Variants in LDB2 observed in about 807,000 individuals in gnomAD.
LDB2 encodes the protein LIM domain binding 2.
In LDB2, 12 loss-of-function variants were observed where a neutral mutation model predicts 44.3. That is an observed-to-expected ratio of 0.27 (90% CI 0.17 to 0.44). The LOEUF is 0.44. Among genes scored for constraint, LDB2 ranks in the 20% least tolerant of loss-of-function variants. The pLI is 1.00. For synonymous variants in LDB2, 164 were observed against 174.8 expected (o/e 0.94, Z 0.49); for missense variants, 344 against 473.5 (o/e 0.73, Z 2.54).
chr4:16,752,433 C>A (rs1361073429), intron 2 of LDB2: 1 of 450,958 alleles, frequency 2.2e-6, no homozygotes, highest in African/African-American at 2.0e-5. Context: ...TCATTTTTTC[C>A]CCAATTGGTC....
chr4:16,680,249 G>T (rs374627064), intron 2 of LDB2, among the ~76,000 whole-genome samples: 1 of 152,190 alleles, frequency 6.6e-6, no homozygotes, highest in African/African-American at 2.4e-5. Flanking sequence ...GGACTTTGAA[G>T]AATATTTTTC....
intron 5 of LDB2, among the ~76,000 whole-genome samples, chr4:16,584,918 C>G (rs2152424042): frequency 6.6e-6 from 1 of 152,326 alleles, no homozygotes; most frequent in East Asian, 1.9e-4. Context: ...GTGACCAAGT[C>G]TAGGATAGAC....
At chr4:16,503,941 G>A (rs1560291800) in intron 7 of LDB2, among the ~76,000 whole-genome samples, 1 of 152,302 alleles carries the variant, frequency 6.6e-6, no homozygotes, top group South Asian at 2.1e-4. Flanking sequence ...GGGACCATAT[G>A]GGGTTGATGA....
intron 5 of LDB2, among the ~76,000 whole-genome samples, chr4:16,547,413 G>A (rs558231910): frequency 6.6e-6 from 1 of 152,252 alleles, no homozygotes; most frequent in South Asian, 2.1e-4. Context: ...GTGGCTGTAG[G>A]AAATGGATAT....
At chr4:16,628,725 T>C (rs1000264786) in intron 2 of LDB2, among the ~76,000 whole-genome samples, 6 of 151,770 alleles carry the variant, frequency 4.0e-5, no homozygotes, top group Non-Finnish European at 7.4e-5. Flanking sequence ...CCAACTGAGG[T>C]ACCTGGTTCA....
rs1176981520 is a variant in LDB2 at position 16,795,321 on chromosome 4, A to G, written c.133-36061T>C. On this transcript the variant is annotated intron_variant, in intron 1 of 7. Transcript: ENST00000304523. ...CCATATTACAGAGACCCAATCATAA[A>G]AGGCCTTGTAAGTCACCAAAAGAAA... Among the ~76,000 whole-genome samples, 21 of 152,264 alleles carry G rather than the reference A, an allele frequency of 1.4e-4. No individual in the cohort carries two copies. The South Asian group carries it at 4.4e-3, about 32-fold the overall frequency.
chr4:16,514,019 G>A (rs1007202646), intron 5 of LDB2, among the ~76,000 whole-genome samples: 1 of 152,184 alleles, frequency 6.6e-6, no homozygotes, highest in Non-Finnish European at 1.5e-5. Flanking sequence ...CCATATCCAG[G>A]AGGAAGGAAT....
chr4:16,884,532 A>G (rs1721082339), intron 1 of LDB2, among the ~76,000 whole-genome samples: 1 of 152,082 alleles, frequency 6.6e-6, no homozygotes, highest in Non-Finnish European at 1.5e-5. Context: ...CTAAAATATA[A>G]TATCACTTTA....
chr4:16,631,959 T>C lies in LDB2; in HGVS notation c.236-36084A>G, dbSNP rs1053190451. On this transcript the variant is annotated intron_variant, in intron 2 of 7. Transcript: ENST00000304523. ...GCAATAATTAATAGCCTATCAACCA[T>C]GCAAAGTCCAAGACCAGACTGATTC... 2.6e-5 allele frequency among the ~76,000 whole-genome samples: 4 copies of C among 152,078 alleles called. No individual in the cohort carries two copies. The East Asian group carries it at 7.7e-4, about 29-fold the overall frequency.
At chr4:16,634,969 G>A (rs1246531232) in intron 2 of LDB2, among the ~76,000 whole-genome samples, 1 of 152,094 alleles carries the variant, frequency 6.6e-6, no homozygotes, top group African/African-American at 2.4e-5. Flanking sequence ...CCATAAAAAA[G>A]GATGAGTTCT....
chr4:16,628,989 GC>G (rs1450577888), intron 2 of LDB2, among the ~76,000 whole-genome samples: 1 of 152,230 alleles, frequency 6.6e-6, no homozygotes, highest in Non-Finnish European at 1.5e-5. Flanking sequence ...TGCCCATGGA[GC>G]TTTGCTTGCT....
intron 1 of LDB2, among the ~76,000 whole-genome samples, chr4:16,774,026 A>C (rs373236498): frequency 1.3e-4 from 19 of 141,306 alleles, no homozygotes; most frequent in African/African-American, 4.7e-4. Context: ...GTGCTGGCGC[A>C]TGCCTATAAT....
At chr4:16,814,813 C>T (rs1780604486) in intron 1 of LDB2, among the ~76,000 whole-genome samples, 1 of 152,154 alleles carries the variant, frequency 6.6e-6, no homozygotes, top group African/African-American at 2.4e-5. Context: ...CATCAGAAAA[C>T]AGGCAAATCA....
chr4:16,897,947 T>A (rs1337401875), intron 1 of LDB2, among the ~76,000 whole-genome samples: 3 of 13,504 alleles, frequency 2.2e-4, no homozygotes, highest in African/African-American at 1.2e-3. Context: ...TACACATATG[T>A]ATATATATAT....
chr4:16,784,756 T>C (rs1374997179), intron 1 of LDB2, among the ~76,000 whole-genome samples: 1 of 152,154 alleles, frequency 6.6e-6, no homozygotes, highest in African/African-American at 2.4e-5. Flanking sequence ...AGCCCACCAC[T>C]CTCTCCTTCT....
At chr4:16,524,754 A>C (rs1233046486) in intron 5 of LDB2, among the ~76,000 whole-genome samples, 2 of 152,206 alleles carry the variant, frequency 1.3e-5, no homozygotes, top group African/African-American at 4.8e-5. Context: ...CCTGAACATG[A>C]GAAAAGCATC....
rs113080300 is a variant in LDB2 at position 16,517,402 on chromosome 4, G to C, written c.616-5298C>G. Reference sequence around the variant, plus strand: ...TATAGAACTGAGCATAATAACACATGGTCCTTTGATGTTGAAAAAAACTAA... The same window carrying C: ...TATAGAACTGAGCATAATAACACATCGTCCTTTGATGTTGAAAAAAACTAA... On this transcript the variant is annotated intron_variant, in intron 5 of 7. Transcript: ENST00000304523. 6.4e-3 allele frequency among the ~76,000 whole-genome samples: 975 copies of C among 152,174 alleles called. 9 individuals are homozygous for C. Among genetic ancestry groups the C allele is most frequent in the African/African-American group, 0.021 (879 of 41,508 alleles).
At chr4:16,619,672 G>A (rs78783305) in intron 2 of LDB2, among the ~76,000 whole-genome samples, 2 of 152,128 alleles carry the variant, frequency 1.3e-5, no homozygotes, top group Admixed American at 6.5e-5. Flanking sequence ...GTGATCATTC[G>A]TGCAATTTCA....
At chr4:16,797,640 A>G (rs2109698115) in intron 1 of LDB2, among the ~76,000 whole-genome samples, 1 of 152,256 alleles carries the variant, frequency 6.6e-6, no homozygotes, top group Admixed American at 6.5e-5. Flanking sequence ...GAATGATAAT[A>G]ATAATAGCTA....
Sources: allele counts gnomAD v4.1 joint callset (sites outside exome capture counted in the v4.1 genomes callset), GRCh38; gene constraint gnomAD v4.1.1; transcripts MANE v1.5; gene names NCBI Gene and HGNC (gene_info 2026-07-23, HGNC 2026-07-21).